The following SOX5 variants were observed in gnomAD, a reference collection of about 807,000 sequenced individuals.
SOX5 encodes transcription factor SOX-5.
A neutral mutation model predicts 92.0 loss-of-function variants in SOX5; 9 were observed. The observed-to-expected ratio is 0.10, with a 90% confidence interval of 0.06 to 0.17. The LOEUF (loss-of-function observed/expected upper bound fraction) is 0.17, where lower values mean the gene tolerates loss of function less well. SOX5 is among the 10% of genes least tolerant of loss of function. The pLI, the probability that SOX5 is intolerant of heterozygous loss-of-function variation, is 1.00. For synonymous variants in SOX5, 344 were observed against 336.3 expected (o/e 1.02, Z -0.25); for missense variants, 642 against 944.5 (o/e 0.68, Z 4.20).
intron 4 of SOX5, among the ~76,000 whole-genome samples, chr12:24,112,019 T>C (rs933102393): frequency 6.6e-6 from 1 of 152,134 alleles, no homozygotes; most frequent in Non-Finnish European, 1.5e-5. Context: ...ACCAAGCTTA[T>C]CCACTGTCAT....
intron 9 of SOX5, chr12:23,584,704 C>T: frequency 1.3e-6 from 1 of 793,652 alleles, no homozygotes; most frequent in Non-Finnish European, 2.1e-6. Flanking sequence ...GTCTAAGGCA[C>T]AGAACCTTGG....
Position 23,836,810 on chromosome 12 carries a change from T to G in SOX5, c.481+9173A>C, listed in dbSNP as rs115415183. Among the ~76,000 whole-genome samples, 744 of 152,066 alleles carry G rather than the reference T, an allele frequency of 4.9e-3. 10 individuals carry two copies. The highest frequency in any genetic ancestry group is 0.017 in the African/African-American group (726 of 41,530). On this transcript the variant is annotated intron_variant, in intron 3 of 14. Coordinates refer to ENST00000451604, the MANE Select transcript of SOX5 (RefSeq NM_006940.6). Reference sequence around the variant, plus strand: ...TTTGAAAAACAATGGCAAAAATAGCTTGAGGGAAGAAAAGATTTTTCTGTG... The same window carrying G: ...TTTGAAAAACAATGGCAAAAATAGCGTGAGGGAAGAAAAGATTTTTCTGTG...
In SOX5 at chr12:23,634,309, T is replaced by C. The variant is rs1364760432; in HGVS notation, c.1017+6503A>G. On this transcript the variant is annotated intron_variant, in intron 8 of 14. Coordinates refer to ENST00000451604, the MANE Select transcript of SOX5 (RefSeq NM_006940.6). ...ATACATTTTATAGTATATTTGAAGATGACTAGTGCTATAGAGAAAAATGTA... is the reference window on the plus strand; with the variant it reads ...ATACATTTTATAGTATATTTGAAGACGACTAGTGCTATAGAGAAAAATGTA... 2.6e-5 allele frequency among the ~76,000 whole-genome samples: 4 copies of C among 152,128 alleles called. No homozygotes were observed. In the South Asian group the frequency reaches 6.2e-4, roughly 24 times the overall value.
intron 3 of SOX5, among the ~76,000 whole-genome samples, chr12:24,245,262 TG>T (rs1387023140): frequency 6.6e-6 from 1 of 151,604 alleles, no homozygotes; most frequent in African/African-American, 2.4e-5. Flanking sequence ...TGTGTGTGTG[TG>T]TGTGTGTGTG....
At chr12:23,936,228 C>T (rs963657933) in intron 1 of SOX5, among the ~76,000 whole-genome samples, 1 of 150,836 alleles carries the variant, frequency 6.6e-6, no homozygotes, top group Admixed American at 6.6e-5. Flanking sequence ...AGCTGGGATA[C>T]AAAAGCTGAA....
At chr12:23,904,801 C>T (rs944157405) in intron 1 of SOX5, among the ~76,000 whole-genome samples, 2 of 152,170 alleles carry the variant, frequency 1.3e-5, no homozygotes, top group African/African-American at 4.8e-5. Flanking sequence ...TTACACCTTT[C>T]CTTCTTTCTG....
At chr12:23,987,076 A>G (rs962175563) in intron 4 of SOX5, among the ~76,000 whole-genome samples, 1 of 152,226 alleles carries the variant, frequency 6.6e-6, no homozygotes, top group Non-Finnish European at 1.5e-5. Context: ...CTGATTTAAC[A>G]TATTTATTAA....
chr12:23,534,554 G>A (rs754666376), intron 14 of SOX5, 32 bp from the exon 15 acceptor site: 36 of 1,562,092 alleles, frequency 2.3e-5, no homozygotes, highest in Non-Finnish European at 3.1e-5. Flanking sequence ...AAAAGACATC[G>A]TGGGTAAGTG....
At chr12:23,801,773 T>C (rs2095663568) in intron 3 of SOX5, among the ~76,000 whole-genome samples, 1 of 152,134 alleles carries the variant, frequency 6.6e-6, no homozygotes, top group African/African-American at 2.4e-5. Flanking sequence ...TGACTTCAGA[T>C]GTAAATTTTA....
intron 7 of SOX5, among the ~76,000 whole-genome samples, chr12:23,656,440 G>GCATA: frequency 6.6e-6 from 1 of 152,042 alleles, no homozygotes; most frequent in South Asian, 2.1e-4. Context: ...GGCAATATGC[G>GCATA]CATACAAAAA....
In SOX5 at chr12:23,597,427, CTGTT is replaced by C. The variant is rs1332412092; in HGVS notation, c.1164+6956_1164+6959del. Among the ~76,000 whole-genome samples, 4 of 152,270 alleles carry C rather than the reference CTGTT, an allele frequency of 2.6e-5. No homozygotes were observed. In the East Asian group the frequency reaches 5.8e-4, roughly 22 times the overall value. On this transcript the variant is annotated intron_variant, in intron 9 of 14. Coordinates refer to ENST00000451604, the MANE Select transcript of SOX5 (RefSeq NM_006940.6). The stretch of plus-strand genomic sequence containing the variant: ...AATACCACAGAGCCCAGAAAAGCCT[CTGTT>C]TAAGTACCTAGCTGTTTGAGATTTC...
At chr12:24,545,047 G>A (rs1041404432) in intron 1 of SOX5, among the ~76,000 whole-genome samples, 1 of 152,042 alleles carries the variant, frequency 6.6e-6, no homozygotes, top group African/African-American at 2.4e-5. Context: ...GAAAAATTAG[G>A]AGAGCACTGA....
At chr12:23,950,118 A>G (rs952335009), upstream of SOX5, among the ~76,000 whole-genome samples, 1 of 152,050 alleles carries the variant, frequency 6.6e-6, no homozygotes, top group Non-Finnish European at 1.5e-5. Context: ...AACCTAGTCT[A>G]TATAATAACA....
chr12:23,653,411 C>T (rs1321288969), intron 7 of SOX5, among the ~76,000 whole-genome samples: 1 of 152,002 alleles, frequency 6.6e-6, no homozygotes, highest in South Asian at 2.1e-4. Context: ...GAATCCTTTC[C>T]TGATACTTCA....
At chr12:24,203,579 G>C (rs980022302) in intron 4 of SOX5, among the ~76,000 whole-genome samples, 1 of 152,040 alleles carries the variant, frequency 6.6e-6, no homozygotes, top group Non-Finnish European at 1.5e-5. Context: ...CTAATAACCA[G>C]GCTTCATTCT....
intron 3 of SOX5, among the ~76,000 whole-genome samples, chr12:24,251,012 T>C (rs1042761500): frequency 5.3e-5 from 8 of 152,240 alleles, no homozygotes; most frequent in African/African-American, 1.9e-4. Context: ...CTGAGTTTTA[T>C]AGTAAAGACC....
chr12:24,419,673 T>G (rs531262333), intron 1 of SOX5, among the ~76,000 whole-genome samples: 1 of 152,362 alleles, frequency 6.6e-6, no homozygotes, highest in Admixed American at 6.5e-5. Context: ...GCTGTGCTAG[T>G]GCTTACTCCC....
At chr12:23,936,471 C>T (rs1168068602) in intron 1 of SOX5, among the ~76,000 whole-genome samples, 1 of 150,808 alleles carries the variant, frequency 6.6e-6, no homozygotes, top group East Asian at 1.9e-4. Context: ...TGAGTGTTAA[C>T]TACTGTAGCT....
intron 3 of SOX5, among the ~76,000 whole-genome samples, chr12:24,228,556 C>T (rs1962606112): frequency 6.6e-6 from 1 of 152,058 alleles, no homozygotes; most frequent in African/African-American, 2.4e-5. Flanking sequence ...CACTGGCAGC[C>T]GCTACCAAGT....
Sources: gnomAD v4.1 joint callset for allele counts (sites outside exome capture counted in the v4.1 genomes callset) on GRCh38, gnomAD v4.1.1 for gene constraint, MANE v1.5 for transcripts, NCBI Gene and HGNC (gene_info 2026-07-23, HGNC 2026-07-21) for gene names.